CHST15: variants seen among roughly 807,000 people sequenced by gnomAD.
CHST15 encodes the protein carbohydrate sulfotransferase 15, also known as B cell RAG associated protein (GALNAC4S-6ST).
A neutral mutation model predicts 53.6 loss-of-function variants in CHST15; 30 were observed. The observed-to-expected ratio is 0.56, with a 90% CI of 0.42 to 0.76. CHST15 has a LOEUF of 0.76. CHST15 is among the 30% of genes least tolerant of loss of function. The probability of loss-of-function intolerance (pLI) is 0.00; values close to 1 mark genes in which losing one functional copy is unlikely to be tolerated. For missense variants in CHST15, 627 were observed against 740.5 expected, an observed-to-expected ratio of 0.85 and a Z score of 1.78; for synonymous variants, 296 against 289.8, an observed-to-expected ratio of 1.02 and a Z score of -0.22.
intron 5 of CHST15, among the ~76,000 whole-genome samples, chr10:124,031,736 A>C (rs531989300): frequency 1.3e-5 from 2 of 152,332 alleles, no homozygotes; most frequent in Non-Finnish European, 2.9e-5. Flanking sequence ...AGCACTGTTT[A>C]AACACGTTAC....
At chr10:124,034,307 G>C (rs1297764519) in intron 5 of CHST15, among the ~76,000 whole-genome samples, 1 of 152,140 alleles carries the variant, frequency 6.6e-6, no homozygotes, top group Admixed American at 6.5e-5. Context: ...GTGACTACTT[G>C]GGGGGACCAT....
rs187759698 is a variant in CHST15 at position 124,027,338 on chromosome 10, T to A, written c.1191-5926A>T. ...GTGCCTCTGAAAGTGACCATGTCTCTCCCCAAGGGACAAAGGAGAGGCCAG... is the reference window on the plus strand; with the variant it reads ...GTGCCTCTGAAAGTGACCATGTCTCACCCCAAGGGACAAAGGAGAGGCCAG... On this transcript the variant is annotated intron_variant, in intron 5 of 7. Coordinates refer to ENST00000435907, the MANE Select transcript of CHST15 (RefSeq NM_001270764.2). Among the ~76,000 whole-genome samples the A allele has an allele frequency of 7.9e-5, 12 of 152,160 alleles. No individual in the cohort carries two copies. The East Asian group carries it at 2.3e-3, about 30-fold the overall frequency.
At chr10:124,034,738 CCCGGCTCCACCCCCTAACAGGGACG>C (rs1564868176) in intron 5 of CHST15, among the ~76,000 whole-genome samples, 9 of 88,832 alleles carry the variant, frequency 1.0e-4, no homozygotes, top group East Asian at 6.6e-4. Context: ...TAACAGGGAC[CCCGGCTCCACCCCCTAACAGGGACG>C]CCGGCTCCAC....
chr10:124,035,440 C>A (rs1947456546), intron 5 of CHST15, among the ~76,000 whole-genome samples: 1 of 151,130 alleles, frequency 6.6e-6, no homozygotes, highest in Admixed American at 6.6e-5. Context: ...GGCTCTACCC[C>A]CTAACAGGGA....
At position 124,012,565 on chromosome 10, in the gene CHST15, C is replaced by G. The variant is rs139261939; in HGVS notation, c.1348-85G>C. On this transcript the variant is annotated intron_variant, in intron 6 of 7. Transcript: ENST00000435907. Reference sequence around the variant, plus strand: ...TTTTCCAAAGTGGTATGGCATTTCACTGTACCACAAAAGAGTTATCCTAGC... The same window carrying G: ...TTTTCCAAAGTGGTATGGCATTTCAGTGTACCACAAAAGAGTTATCCTAGC... The G allele has an allele frequency of 8.0e-4, 1,143 of 1,423,108 alleles. 7 individuals are homozygous for G. In the African/African-American group the frequency reaches 0.015, roughly 18 times the overall value. The allele number at this position is 1,423,108 out of a possible 1,614,324, so 88.2% of individuals were successfully genotyped here.
chr10:124,033,457 G>A (rs539945920), intron 5 of CHST15, among the ~76,000 whole-genome samples: 3 of 152,308 alleles, frequency 2.0e-5, no homozygotes, highest in East Asian at 3.9e-4. Flanking sequence ...ACGGTCCTCA[G>A]TGATCCCCGG....
chr10:124,085,055 T>C lies in CHST15; in HGVS notation c.-513+8414A>G, dbSNP rs146694194. Among the ~76,000 whole-genome samples the C allele has an allele frequency of 2.4e-3, 359 of 152,294 alleles. 2 individuals are homozygous for C. Among genetic ancestry groups the C allele is most frequent in the African/African-American group, 7.9e-3 (330 of 41,550 alleles). On this transcript the variant is annotated intron_variant, in intron 1 of 7. Transcript: ENST00000435907. The stretch of plus-strand genomic sequence containing the variant: ...CACAAAGCAAACAGGGTTTGGTGTG[T>C]ACATTTGGAAGACTCTTTACATACA...
rs376861005 is a variant in CHST15, at chr10:124,028,729, G to C, written c.1191-7317C>G. Among the ~76,000 whole-genome samples, 8 of 152,224 alleles carry C rather than the reference G, an allele frequency of 5.3e-5. No individual in the cohort carries two copies. In the South Asian group the frequency reaches 1.7e-3, roughly 32 times the overall value. On this transcript the variant is annotated intron_variant, in intron 5 of 7. Coordinates refer to ENST00000435907, the MANE Select transcript of CHST15 (RefSeq NM_001270764.2). ...ACAAGGGCAGGCGCTTGGTGGCCTTGAGCTCTGACATGTCCTCCAGTTACT... is the reference window on the plus strand; with the variant it reads ...ACAAGGGCAGGCGCTTGGTGGCCTTCAGCTCTGACATGTCCTCCAGTTACT...
intron 5 of CHST15, among the ~76,000 whole-genome samples, chr10:124,035,220 CT>C (rs1391720092): frequency 1.4e-5 from 2 of 146,930 alleles, no homozygotes; most frequent in African/African-American, 2.5e-5. Context: ...GCTCTACCCC[CT>C]AACAGGGACC....
At chr10:124,021,012 C>T (rs1176248298) in intron 6 of CHST15, 2 of 1,427,116 alleles carry the variant, frequency 1.4e-6, no homozygotes, top group Admixed American at 3.0e-5. Context: ...CCTCATCCTC[C>T]TGCTGAGGGA....
chr10:124,043,019 G>C (rs1011422091), intron 3 of CHST15, among the ~76,000 whole-genome samples: 4 of 152,130 alleles, frequency 2.6e-5, no homozygotes, highest in Non-Finnish European at 5.9e-5. Context: ...TCATACTCTA[G>C]ACAGACATGG....
intron 5 of CHST15, among the ~76,000 whole-genome samples, chr10:124,030,519 G>C (rs1298279715): frequency 6.6e-6 from 1 of 152,116 alleles, no homozygotes; most frequent in Non-Finnish European, 1.5e-5. Flanking sequence ...TCGATCCGTG[G>C]CTATTGCTGC....
intron 1 of CHST15, among the ~76,000 whole-genome samples, chr10:124,066,997 G>A (rs1297335023): frequency 1.3e-5 from 2 of 152,252 alleles, no homozygotes; most frequent in Non-Finnish European, 2.9e-5. Flanking sequence ...GGGGCAGAGG[G>A]GCCATTTGCA....
At chr10:124,030,844 T>G (rs1253358997) in intron 5 of CHST15, among the ~76,000 whole-genome samples, 2 of 152,248 alleles carry the variant, frequency 1.3e-5, no homozygotes, top group Non-Finnish European at 2.9e-5. Flanking sequence ...AAAGTTCCGC[T>G]GCGGTTCGAA....
chr10:124,044,453 T>A (rs1277187566), intron 3 of CHST15, 127 bp downstream of exon 3: 6 of 760,980 alleles, frequency 7.9e-6, no homozygotes, highest in African/African-American at 1.8e-5. Context: ...GGGAACAGCC[T>A]CCTAACAAGG....
At position 124,009,892 on chromosome 10, in the gene CHST15, G is replaced by A. The variant is rs897341754; in HGVS notation, c.*257C>T. ...TGGCTGCATCCCCAAGCTCCAGGAC[G>A]CTCAGAGCAGAGCTGAATTCTTGAG... On this transcript the variant is annotated 3_prime_UTR_variant, in exon 8 of 8. Transcript: ENST00000435907. The A allele has an allele frequency of 2.0e-5, 26 of 1,290,340 alleles. No homozygotes were observed. The highest frequency in any genetic ancestry group is 2.6e-5 in the Non-Finnish European group (26 of 1,013,338). The allele number at this position is 1,290,340 out of a possible 1,614,324, so 79.9% of individuals were successfully genotyped here.
chr10:124,043,760 GT>G (rs1314011174), intron 3 of CHST15, among the ~76,000 whole-genome samples: 1 of 152,254 alleles, frequency 6.6e-6, no homozygotes, highest in Non-Finnish European at 1.5e-5. Context: ...TCTCCATGTG[GT>G]TATCATATGG....
At chr10:124,051,815 G>C (rs375639366) in intron 1 of CHST15, among the ~76,000 whole-genome samples, 16 of 152,312 alleles carry the variant, frequency 1.1e-4, no homozygotes, top group African/African-American at 3.4e-4. Context: ...GTAATTGAGA[G>C]ACCCAGAAAT....
chr10:124,054,554 AGAAAGATGGGATGTAG>A (rs1277221387), intron 1 of CHST15, among the ~76,000 whole-genome samples: 1 of 152,220 alleles, frequency 6.6e-6, no homozygotes, highest in Non-Finnish European at 1.5e-5. Context: ...TCAACTTGGT[AGAAAGATGGGATGTAG>A]GAAAAATGGT....
Sources: gnomAD v4.1 joint callset for allele counts (sites outside exome capture counted in the v4.1 genomes callset) on GRCh38, gnomAD v4.1.1 for gene constraint, MANE v1.5 for transcripts, NCBI Gene and HGNC (gene_info 2026-07-23, HGNC 2026-07-21) for gene names.